The following DMD variants were observed in gnomAD, a reference collection of about 807,000 sequenced individuals.
The protein encoded by DMD is mutant dystrophin.
A neutral mutation model predicts 330.1 loss-of-function variants in DMD; 63 were observed. The ratio of observed to expected loss-of-function variants is 0.19; its 90% confidence interval spans 0.16 to 0.24. The LOEUF (loss-of-function observed/expected upper bound fraction) is 0.24. DMD is among the 10% of genes least tolerant of loss of function. DMD has a pLI of 1.00. For synonymous variants in DMD, 1,223 were observed against 959.8 expected, an observed-to-expected ratio of 1.27 and a Z score of -5.07; for missense variants, 3,344 against 2,684.1, an observed-to-expected ratio of 1.25 and a Z score of -5.43.
chrX:31,273,548 G>A (rs1373513436), intron 62 of DMD, among the ~76,000 whole-genome samples: 2 of 112,144 alleles, frequency 1.8e-5, no homozygotes, highest in African/African-American at 6.5e-5. Flanking sequence ...CTTGCTTCTT[G>A]AGATTTGGAA....
intron 44 of DMD, among the ~76,000 whole-genome samples, chrX:32,210,837 C>T (rs769178401): frequency 2.7e-5 from 3 of 111,272 alleles, no homozygotes; most frequent in Admixed American, 9.7e-5. Flanking sequence ...GAAAGCAAGG[C>T]GAGAAGAATG....
chrX:31,400,595 G>T lies in DMD; in HGVS notation c.9084+43886C>A, dbSNP rs1027995813. ...ACCACTGTTAATTCTTGCAGAGGAA[G>T]ATAAAGACGAAGATGAAAGTCTTGA... On this transcript the variant is annotated intron_variant, in intron 60 of 78. Coordinates refer to ENST00000357033, the MANE Select transcript of DMD (RefSeq NM_004006.3). 2.7e-5 allele frequency among the ~76,000 whole-genome samples: 3 copies of T among 111,940 alleles called. 1 individual carries two copies. Among genetic ancestry groups the T allele is most frequent in the Non-Finnish European group, 5.6e-5 (3 of 53,210 alleles).
At chrX:31,608,344 T>G (rs1336349509) in intron 55 of DMD, among the ~76,000 whole-genome samples, 2 of 111,720 alleles carry the variant, frequency 1.8e-5, no homozygotes, top group African/African-American at 6.5e-5. Context: ...GTAACACATG[T>G]TACTTACAAA....
chrX:31,895,420 G>A (rs2094318203), intron 47 of DMD, among the ~76,000 whole-genome samples: 1 of 111,688 alleles, frequency 9.0e-6, no homozygotes, highest in Non-Finnish European at 1.9e-5. Flanking sequence ...ATACTTTTCA[G>A]TATTTTTTGT....
At chrX:33,196,926 C>T (rs140200150) in intron 1 of DMD, among the ~76,000 whole-genome samples, 156 of 111,152 alleles carry the variant, frequency 1.4e-3, no homozygotes, top group Non-Finnish European at 2.3e-3. Context: ...TTACCATGCC[C>T]GTGGACCAGC....
chrX:32,348,812 C>T (rs1041045627), intron 37 of DMD, among the ~76,000 whole-genome samples: 2 of 111,158 alleles, frequency 1.8e-5, no homozygotes, highest in African/African-American at 6.5e-5. Context: ...TTTGAATGGG[C>T]TAATTTTTAA....
chrX:32,478,404 T>C (rs2041466214), intron 21 of DMD, among the ~76,000 whole-genome samples: 1 of 111,640 alleles, frequency 9.0e-6, no homozygotes, highest in East Asian at 2.8e-4. Flanking sequence ...AAGGAGATAA[T>C]GCAATCAGCA....
intron 62 of DMD, among the ~76,000 whole-genome samples, chrX:31,285,751 G>T (rs1350662905): frequency 9.0e-6 from 1 of 111,710 alleles, no homozygotes; most frequent in African/African-American, 3.3e-5. Flanking sequence ...CATGAGCCTA[G>T]TTATGTCAAA....
chrX:31,879,215 G>GGGGC (rs1556965887), intron 47 of DMD, among the ~76,000 whole-genome samples: 3 of 103,102 alleles, frequency 2.9e-5, no homozygotes, highest in Non-Finnish European at 6.1e-5. Flanking sequence ...ATGGCGGGGG[G>GGGGC]GGGCCTCACA....
intron 51 of DMD, among the ~76,000 whole-genome samples, chrX:31,733,941 G>A (rs192016477): frequency 2.2e-3 from 243 of 110,741 alleles, no homozygotes; most frequent in Middle Eastern, 4.6e-3. Context: ...CACCTCCATC[G>A]GTAACTTCTT....
intron 43 of DMD, among the ~76,000 whole-genome samples, chrX:32,277,493 T>G (rs541752283): frequency 2.7e-5 from 3 of 111,595 alleles, no homozygotes; most frequent in Non-Finnish European, 5.6e-5. Flanking sequence ...TACAGGACAT[T>G]TAATTCAATG....
At chrX:32,639,120 G>C (rs1369155424) in intron 11 of DMD, among the ~76,000 whole-genome samples, 2 of 111,709 alleles carry the variant, frequency 1.8e-5, no homozygotes, top group Non-Finnish European at 3.8e-5. Flanking sequence ...GTTTCTGCCT[G>C]CATGTCCTAA....
chrX:32,634,230 A>G (rs1298021315), intron 11 of DMD, among the ~76,000 whole-genome samples: 2 of 111,993 alleles, frequency 1.8e-5, no homozygotes, highest in Non-Finnish European at 3.8e-5. Flanking sequence ...GAATGCTGTC[A>G]GTCCTGAGTC....
At chrX:31,724,224 G>A (rs1194679746) in intron 52 of DMD, among the ~76,000 whole-genome samples, 1 of 112,286 alleles carries the variant, frequency 8.9e-6, no homozygotes, top group African/African-American at 3.2e-5. Flanking sequence ...GACAATACCT[G>A]AGAGGAAGAT....
intron 1 of DMD, among the ~76,000 whole-genome samples, chrX:33,190,874 TATATA>T (rs1282798419): frequency 0.21 from 3,427 of 16,588 alleles, 795 homozygotes; most frequent in African/African-American, 0.53. Flanking sequence ...TATATATATA[TATATA>T]ATATATAATA....
intron 7 of DMD, among the ~76,000 whole-genome samples, chrX:32,716,914 G>A (rs984851307): frequency 1.8e-5 from 2 of 111,778 alleles, no homozygotes; most frequent in African/African-American, 6.5e-5. Flanking sequence ...GTATATGGTA[G>A]AAGAAATTTC....
chrX:32,468,003 G>A (rs2148455120), intron 23 of DMD, among the ~76,000 whole-genome samples: 1 of 109,768 alleles, frequency 9.1e-6, no homozygotes, highest in South Asian at 3.8e-4. Context: ...ATATATAATA[G>A]CACATATAGA....
chrX:31,227,708 G>A (rs1469172783), intron 63 of DMD, among the ~76,000 whole-genome samples: 3 of 110,953 alleles, frequency 2.7e-5, no homozygotes, highest in African/African-American at 3.3e-5. Flanking sequence ...CCATTTTCAC[G>A]ATATTGATTC....
At chrX:32,827,660 CTTTT>C (rs5902039) in intron 4 of DMD, among the ~76,000 whole-genome samples, 4 of 72,279 alleles carry the variant, frequency 5.5e-5, no homozygotes, top group East Asian at 4.4e-4. Context: ...ATTAACTCCC[CTTTT>C]TTTTTTTTTT....
Sources: allele counts gnomAD v4.1 joint callset (sites outside exome capture counted in the v4.1 genomes callset), GRCh38; gene constraint gnomAD v4.1.1; transcripts MANE v1.5; gene names NCBI Gene and HGNC (gene_info 2026-07-23, HGNC 2026-07-21).